The following ARNT2 variants were observed in gnomAD, a reference collection of about 807,000 sequenced individuals.
ARNT2 encodes the protein aryl hydrocarbon receptor nuclear translocator 2.
Under a neutral mutation model 91.7 loss-of-function variants are expected in ARNT2, and 36 were observed. The ratio of observed to expected loss-of-function variants is 0.39; its 90% CI spans 0.30 to 0.52. The LOEUF is 0.52. Ranked by LOEUF, ARNT2 falls within the 20% of genes least tolerant of loss-of-function variation. ARNT2 has a pLI of 0.72. For synonymous variants in ARNT2, 365 were observed against 347.1 expected (o/e 1.05, Z -0.57); for missense variants, 775 against 939.3 (o/e 0.83, Z 2.29).
At chr15:80,514,033 C>T in intron 7 of ARNT2, 57 bp downstream of exon 7, 2 of 1,509,666 alleles carry the variant, frequency 1.3e-6, no homozygotes, top group South Asian at 1.1e-5. Context: ...GTCTAAACAC[C>T]CTAAGCTAAG....
chr15:80,563,570 C>T (rs1456779307), intron 12 of ARNT2, among the ~76,000 whole-genome samples: 2 of 152,212 alleles, frequency 1.3e-5, no homozygotes, highest in Non-Finnish European at 2.9e-5. Context: ...TGGGCCCCGC[C>T]TTGTTGCTCC....
At chr15:80,588,331 T>G (rs183515089) in intron 17 of ARNT2, among the ~76,000 whole-genome samples, 1 of 152,128 alleles carries the variant, frequency 6.6e-6, no homozygotes, top group African/African-American at 2.4e-5. Context: ...GCCACTGTCG[T>G]CTCTTGCAAG....
chr15:80,568,105 T>G, intron 12 of ARNT2, among the ~76,000 whole-genome samples: 1 of 152,322 alleles, frequency 6.6e-6, no homozygotes. Flanking sequence ...AAAGAAGACC[T>G]CTTTATCATC....
At chr15:80,520,138 C>T (rs995202687) in intron 8 of ARNT2, among the ~76,000 whole-genome samples, 3 of 151,922 alleles carry the variant, frequency 2.0e-5, no homozygotes, top group African/African-American at 7.3e-5. Flanking sequence ...CTTCCTTTCA[C>T]ATGCGCAAAA....
chr15:80,477,789 C>T (rs762574880), intron 5 of ARNT2, among the ~76,000 whole-genome samples: 2 of 152,150 alleles, frequency 1.3e-5, no homozygotes, highest in Non-Finnish European at 2.9e-5. Flanking sequence ...CTTTAACATA[C>T]TAATTTTAGC....
chr15:80,532,065 C>A (rs1047072993), intron 8 of ARNT2, among the ~76,000 whole-genome samples: 1 of 152,172 alleles, frequency 6.6e-6, no homozygotes, highest in Non-Finnish European at 1.5e-5. Context: ...GTGTTCAGCC[C>A]CACGTGCCAG....
At chr15:80,572,392 A>G (rs1025579742) in intron 12 of ARNT2, among the ~76,000 whole-genome samples, 1 of 151,888 alleles carries the variant, frequency 6.6e-6, no homozygotes, top group African/African-American at 2.4e-5. Context: ...CCAGCCATGC[A>G]TTCCTGGTGG....
chr15:80,467,372 A>G (rs992390945), intron 3 of ARNT2, among the ~76,000 whole-genome samples: 3 of 152,186 alleles, frequency 2.0e-5, no homozygotes, highest in African/African-American at 7.2e-5. Flanking sequence ...ATCGAAGATA[A>G]GTAGGAATGG....
chr15:80,459,765 G>A (rs1896527256), intron 3 of ARNT2, among the ~76,000 whole-genome samples: 1 of 152,218 alleles, frequency 6.6e-6, no homozygotes, highest in Admixed American at 6.5e-5. Context: ...AGGCATCTGT[G>A]AACCATATCA....
At chr15:80,551,372 T>C in intron 9 of ARNT2, 97 bp downstream of exon 9, 1 of 1,159,938 alleles carries the variant, frequency 8.6e-7, no homozygotes, top group Non-Finnish European at 1.3e-6. Flanking sequence ...TGATCACCTG[T>C]GTTCTTGGTA....
At chr15:80,523,345 C>T (rs1897583924) in intron 8 of ARNT2, among the ~76,000 whole-genome samples, 1 of 152,064 alleles carries the variant, frequency 6.6e-6, no homozygotes, top group Non-Finnish European at 1.5e-5. Context: ...AGGGATTGCA[C>T]AGATTGGTGG....
chr15:80,551,636 C>T (rs943950574), intron 9 of ARNT2, among the ~76,000 whole-genome samples: 6 of 152,162 alleles, frequency 3.9e-5, no homozygotes, highest in Non-Finnish European at 8.8e-5. Flanking sequence ...TTGCCTTCTT[C>T]CTCTCTCACA....
chr15:80,441,731 T>C (rs1452381100), intron 1 of ARNT2, among the ~76,000 whole-genome samples: 4 of 152,228 alleles, frequency 2.6e-5, no homozygotes, highest in African/African-American at 9.7e-5. Flanking sequence ...TTTCGCTGCC[T>C]ACACTGTATT....
chr15:80,593,459 C>T (rs11072925), intron 18 of ARNT2, 141 bp from the exon 19 acceptor site: 107,854 of 638,406 alleles, frequency 0.17, 10,868 homozygotes, highest in East Asian at 0.42. Flanking sequence ...CAGAGCATCC[C>T]GCAGAAGGCT....
intron 9 of ARNT2, 73 bp from the exon 10 acceptor site, chr15:80,552,567 C>A (rs1447906409): frequency 1.3e-5 from 20 of 1,538,150 alleles, no homozygotes; most frequent in East Asian, 2.3e-5. Context: ...ATGGATTATT[C>A]TTCTCATCTC....
rs1898773978 is a variant in ARNT2 at position 80,580,522 on chromosome 15, A to G, written c.1725A>G (p.Thr575=). The G allele has an allele frequency of 1.9e-6, 3 of 1,614,018 alleles. No individual in the cohort carries two copies. The highest frequency in any genetic ancestry group is 2.5e-6 in the Non-Finnish European group (3 of 1,180,020). ...TAAACCAGAGTCAGGTGGCATGGAC[A>G]GGGAGTCGTCCGCCCTTTCCGGGAC... is the stretch of plus-strand genomic sequence containing the variant. ...RQLNQSQVAW[T]GSRPPFPGQQ... The change falls in exon 16 of 19, where the codon ACA becomes ACG. Residue 575 remains threonine, a synonymous_variant. Transcript: ENST00000303329.
intron 8 of ARNT2, among the ~76,000 whole-genome samples, chr15:80,547,934 A>G (rs971777701): frequency 1.3e-5 from 2 of 152,158 alleles, no homozygotes; most frequent in Admixed American, 1.3e-4. Flanking sequence ...GTGTTAGACA[A>G]ACTAGCCTAT....
chr15:80,430,945 C>T (rs117311616), intron 1 of ARNT2, among the ~76,000 whole-genome samples: 110 of 152,166 alleles, frequency 7.2e-4, no homozygotes, highest in Admixed American at 1.7e-3. Flanking sequence ...GGTGCATGTA[C>T]GTGGTGATGA....
intron 1 of ARNT2, among the ~76,000 whole-genome samples, chr15:80,439,651 T>C (rs890337869): frequency 2.6e-5 from 4 of 152,246 alleles, no homozygotes; most frequent in African/African-American, 7.2e-5. Flanking sequence ...TTAGTTCATT[T>C]GGTTTCTGTT....
Sources: allele counts gnomAD v4.1 joint callset (sites outside exome capture counted in the v4.1 genomes callset), GRCh38; gene constraint gnomAD v4.1.1; transcripts MANE v1.5; gene names NCBI Gene and HGNC (gene_info 2026-07-23, HGNC 2026-07-21).